Variants in RIMS2 observed in about 807,000 individuals in gnomAD.
RIMS2 encodes the protein regulating synaptic membrane exocytosis 2.
A neutral mutation model predicts 174.4 loss-of-function variants in RIMS2; 59 were observed. That is an observed-to-expected ratio of 0.34 (90% CI 0.27 to 0.42). RIMS2 has a LOEUF of 0.42. RIMS2 is among the 10% of genes least tolerant of loss of function. The pLI is 1.00. For missense variants in RIMS2, 1,620 were observed against 1,666.3 expected (o/e 0.97, Z 0.48); for synonymous variants, 606 against 572.5 (o/e 1.06, Z -0.84).
At chr8:103,908,005 C>T (rs1486864593) in intron 4 of RIMS2, among the ~76,000 whole-genome samples, 1 of 151,800 alleles carries the variant, frequency 6.6e-6, no homozygotes, top group Non-Finnish European at 1.5e-5. Flanking sequence ...GCCTCGGCCT[C>T]CCAAAGTGCT....
intron 1 of RIMS2, among the ~76,000 whole-genome samples, chr8:103,614,426 T>G (rs2095459124): frequency 6.6e-6 from 1 of 152,280 alleles, no homozygotes; most frequent in Admixed American, 6.5e-5. Context: ...GGTGTGGCAC[T>G]GGCTATTTAA....
intron 3 of RIMS2, among the ~76,000 whole-genome samples, chr8:103,869,999 C>G (rs1179901247): frequency 3.3e-5 from 5 of 152,008 alleles, no homozygotes; most frequent in Non-Finnish European, 5.9e-5. Context: ...ATTGTTTTTC[C>G]TTTGTTCTAT....
At chr8:104,044,422 C>G (rs1380634109) in intron 19 of RIMS2, among the ~76,000 whole-genome samples, 2 of 150,176 alleles carry the variant, frequency 1.3e-5, no homozygotes, top group Non-Finnish European at 3.0e-5. Context: ...AGAGGTTGAG[C>G]AAAGGAATCT....
rs1348806731 is a variant in RIMS2, at chr8:103,733,152, C to G, written c.388-33075C>G. ...GCCCTTTAGTCTGCAGGTGATGATT[C>G]CTGCCAGGACTGGGTTCTCTTCAAG... On this transcript the variant is annotated intron_variant, in intron 2 of 23. Transcript: ENST00000504942. Among the ~76,000 whole-genome samples the G allele has an allele frequency of 3.3e-5, 5 of 151,986 alleles. 1 individual carries two copies. Among genetic ancestry groups the G allele is most frequent in the Non-Finnish European group, 1.5e-5 (1 of 68,002 alleles).
At chr8:104,106,800 C>T (rs1041344937) in intron 19 of RIMS2, among the ~76,000 whole-genome samples, 4 of 151,986 alleles carry the variant, frequency 2.6e-5, no homozygotes, top group Non-Finnish European at 4.4e-5. Flanking sequence ...CCAGTGATTC[C>T]CTCATAATCA....
rs749162638 is a variant in RIMS2, at chr8:103,819,923, G to A, written c.698+53386G>A. 9.2e-5 allele frequency among the ~76,000 whole-genome samples: 14 copies of A among 151,956 alleles called. No individual in the cohort carries two copies. The South Asian group carries it at 1.0e-3, about 11-fold the overall frequency. On this transcript the variant is annotated intron_variant, in intron 3 of 23. Coordinates refer to ENST00000504942, the Ensembl canonical transcript of RIMS2. Reference sequence around the variant, plus strand: ...TACATAAAATGACTTAAAAATGCCCGATAGATGTTTTCTTTGTGATCATGG... The same window carrying A: ...TACATAAAATGACTTAAAAATGCCCAATAGATGTTTTCTTTGTGATCATGG...
chr8:103,998,155 T>C (rs747267505), intron 17 of RIMS2: 4 of 1,522,334 alleles, frequency 2.6e-6, no homozygotes, highest in Non-Finnish European at 3.6e-6. Context: ...TTGAGTCTTA[T>C]TTATATTCTT....
chr8:104,020,459 A>G (rs1384485598), intron 19 of RIMS2, among the ~76,000 whole-genome samples: 1 of 152,056 alleles, frequency 6.6e-6, no homozygotes, highest in Non-Finnish European at 1.5e-5. Flanking sequence ...TAAGTTATCC[A>G]GTATTTAAAA....
At chr8:103,766,653 T>G (rs1484553157) in intron 3 of RIMS2, 116 bp downstream of exon 6, 1 of 684,844 alleles carries the variant, frequency 1.5e-6, no homozygotes, top group African/African-American at 1.8e-5. Flanking sequence ...AATGTAAACA[T>G]TCATATGTTT....
intron 1 of RIMS2, among the ~76,000 whole-genome samples, chr8:103,541,322 G>A (rs1165165362): frequency 1.3e-5 from 2 of 152,208 alleles, no homozygotes; most frequent in Non-Finnish European, 2.9e-5. Flanking sequence ...AGCCAGGAAA[G>A]AATGGGATGA....
At chr8:103,863,927 T>G (rs1373115618) in intron 3 of RIMS2, among the ~76,000 whole-genome samples, 1 of 151,790 alleles carries the variant, frequency 6.6e-6, no homozygotes, top group Non-Finnish European at 1.5e-5. Flanking sequence ...TTTGTTTTTT[T>G]TGATGGAGTC....
At chr8:103,713,073 C>G in intron 2 of RIMS2, among the ~76,000 whole-genome samples, 1 of 151,908 alleles carries the variant, frequency 6.6e-6, no homozygotes, top group East Asian at 1.9e-4. Flanking sequence ...GGCTATAGTG[C>G]AGTGGTGCAA....
At chr8:103,760,454 G>A in intron 2 of RIMS2, among the ~76,000 whole-genome samples, 1 of 152,214 alleles carries the variant, frequency 6.6e-6, no homozygotes, top group Non-Finnish European at 1.5e-5. Context: ...TCTGGGATAT[G>A]AGCCAATGTG....
chr8:103,684,320 C>T lies in RIMS2; in HGVS notation c.177-12766C>T, dbSNP rs796792099. Among the ~76,000 whole-genome samples, 4 of 152,114 alleles carry T rather than the reference C, an allele frequency of 2.6e-5. No individual in the cohort carries two copies. The East Asian group carries it at 7.7e-4, about 29-fold the overall frequency. ...AAGTAGGCAGTCTATGGTACACAAG[C>T]CAGTTCTATCCCACTGCCTGTTTGT... is the stretch of plus-strand genomic sequence containing the variant. On this transcript the variant is annotated intron_variant, in intron 1 of 23. Coordinates refer to ENST00000504942, the Ensembl canonical transcript of RIMS2.
chr8:103,875,508 T>A (rs1383085047), intron 3 of RIMS2, among the ~76,000 whole-genome samples: 2 of 152,052 alleles, frequency 1.3e-5, no homozygotes, highest in East Asian at 1.9e-4. Flanking sequence ...TATCCACTCA[T>A]CAGATGATGG....
At chr8:103,740,585 A>G (rs1591440880) in intron 2 of RIMS2, among the ~76,000 whole-genome samples, 1 of 152,178 alleles carries the variant, frequency 6.6e-6, no homozygotes, top group South Asian at 2.1e-4. Context: ...TCTGACATTG[A>G]TCTTGAAATA....
intron 1 of RIMS2, among the ~76,000 whole-genome samples, chr8:103,564,679 A>G (rs1047263843): frequency 1.3e-5 from 2 of 152,200 alleles, no homozygotes; most frequent in Non-Finnish European, 2.9e-5. Flanking sequence ...TGGCCAGTCT[A>G]GTCCTTCCAC....
intron 2 of RIMS2, among the ~76,000 whole-genome samples, chr8:103,749,436 A>G (rs1475448608): frequency 6.6e-6 from 1 of 151,070 alleles, no homozygotes; most frequent in African/African-American, 2.4e-5. Flanking sequence ...GAAAAACTAA[A>G]CTCTCTTTCT....
intron 4 of RIMS2, among the ~76,000 whole-genome samples, chr8:103,896,453 T>A (rs910962732): frequency 6.6e-6 from 1 of 151,716 alleles, no homozygotes; most frequent in Non-Finnish European, 1.5e-5. Context: ...GCTCTAGAAG[T>A]TTTTCTCAAT....
Sources: allele counts gnomAD v4.1 joint callset (sites outside exome capture counted in the v4.1 genomes callset), GRCh38; gene constraint gnomAD v4.1.1; transcripts MANE v1.5; gene names NCBI Gene and HGNC (gene_info 2026-07-23, HGNC 2026-07-21).